IL2RB: variants seen among roughly 807,000 people sequenced by gnomAD.
IL2RB encodes the protein interleukin 2 receptor subunit beta, also known as interleukin-2 receptor subunit beta.
IL2RB carries 17 observed loss-of-function variants against 44.2 expected under a neutral mutation model. The ratio of observed to expected loss-of-function variants is 0.38; its 90% confidence interval spans 0.26 to 0.58. IL2RB has a LOEUF of 0.58. IL2RB is among the 20% of genes least tolerant of loss of function. The pLI, the probability that IL2RB is intolerant of heterozygous loss-of-function variation, is 0.63. For missense variants in IL2RB, 624 were observed against 685.5 expected, an observed-to-expected ratio of 0.91 and a Z score of 1.00; for synonymous variants, 286 against 297.9, an observed-to-expected ratio of 0.96 and a Z score of 0.41.
intron 8 of IL2RB, among the ~76,000 whole-genome samples, chr22:37,134,873 G>A (rs192912172): frequency 4.6e-4 from 70 of 152,340 alleles, no homozygotes; most frequent in African/African-American, 5.1e-4. Flanking sequence ...TCTTTGAGCT[G>A]TACCTGGCAT....
intron 1 of IL2RB, among the ~76,000 whole-genome samples, chr22:37,170,079 A>T (rs1296547774): frequency 2.2e-3 from 141 of 64,642 alleles, no homozygotes; most frequent in African/African-American, 6.4e-3. Flanking sequence ...ATGGGGGAGA[A>T]GGAAGGAAGA....
At chr22:37,145,068 G>T (rs1340878373) in intron 1 of IL2RB, among the ~76,000 whole-genome samples, 1 of 145,244 alleles carries the variant, frequency 6.9e-6, no homozygotes, top group Admixed American at 7.2e-5. Flanking sequence ...GCTAGCCCCT[G>T]CCTCTGCCCC....
chr22:37,128,280 A>G lies in IL2RB; in HGVS notation c.1472T>C (p.Leu491Pro). The G allele has an allele frequency of 6.7e-7, 1 of 1,498,140 alleles. No homozygotes were observed. The highest frequency in any genetic ancestry group is 8.9e-7 in the Non-Finnish European group (1 of 1,124,536). The allele number at this position is 1,498,140 out of a possible 1,614,324, so 92.8% of individuals were successfully genotyped here. The change falls in exon 10 of 10, where the codon CTG becomes CCG. Residue 491 changes from leucine (L) to proline (P), a missense_variant. By Grantham distance (98) the Leu-to-Pro change is moderately conservative (BLOSUM62 -3). Around this residue, in one of 3 missense-constraint regions of IL2RB, gnomAD observed 291 missense variants for 275.5 expected, o/e 1.06. Transcript: ENST00000216223. This position sits in a 1 kb window ranked among gnomAD's most constrained non-coding sequence, Gnocchi z 4.5. Reference sequence around the variant, plus strand: ...CTCCTCCCCAGCCTCTCGCAGCACCAGCTCAGGGGGTGGCTGAAAATCCAC... The same window carrying G: ...CTCCTCCCCAGCCTCTCGCAGCACCGGCTCAGGGGGTGGCTGAAAATCCAC... ...DLVDFQPPPELVLREAGEEVP... is the reference protein window; with the variant it reads ...DLVDFQPPPEPVLREAGEEVP...
At chr22:37,168,374 G>A (rs191736467) in intron 1 of IL2RB, among the ~76,000 whole-genome samples, 2 of 152,304 alleles carry the variant, frequency 1.3e-5, no homozygotes, top group East Asian at 3.9e-4. Context: ...AAAATAGAAC[G>A]TGGCTTGGCT....
chr22:37,167,594 C>T (rs1411061313), intron 1 of IL2RB, among the ~76,000 whole-genome samples: 1 of 152,236 alleles, frequency 6.6e-6, no homozygotes. Flanking sequence ...CCCCTGCCCA[C>T]GTTCTCTCTG....
At chr22:37,165,328 C>T (rs1310561446) in intron 1 of IL2RB, among the ~76,000 whole-genome samples, 1 of 152,220 alleles carries the variant, frequency 6.6e-6, no homozygotes, top group African/African-American at 2.4e-5. Context: ...TGCCTCTGGC[C>T]TTCCAGAACC....
intron 9 of IL2RB, among the ~76,000 whole-genome samples, chr22:37,129,135 C>T (rs1468246500): frequency 6.6e-6 from 1 of 152,240 alleles, no homozygotes; most frequent in African/African-American, 2.4e-5. Context: ...TCAAGAGTGA[C>T]TGTTTATTGG....
chr22:37,144,861 AACACAC>A (rs1337801318), intron 1 of IL2RB, among the ~76,000 whole-genome samples: 1 of 152,178 alleles, frequency 6.6e-6, no homozygotes. Context: ...TCTCTTCACA[AACACAC>A]ACAGAGTCAC....
intron 1 of IL2RB, among the ~76,000 whole-genome samples, chr22:37,159,236 T>A (rs1329805166): frequency 2.0e-5 from 3 of 151,364 alleles, no homozygotes; most frequent in Non-Finnish European, 2.9e-5. Context: ...CTTGCTTGCT[T>A]TTTTTTTTCT....
chr22:37,170,654 C>T (rs989385006), intron 1 of IL2RB, among the ~76,000 whole-genome samples: 2 of 152,176 alleles, frequency 1.3e-5, no homozygotes, highest in Non-Finnish European at 2.9e-5. Flanking sequence ...TTGGGGTTCT[C>T]CACCACGCAG....
chr22:37,154,063 C>T (rs1211809960), upstream of IL2RB, among the ~76,000 whole-genome samples: 1 of 152,174 alleles, frequency 6.6e-6, no homozygotes, highest in African/African-American at 2.4e-5. Flanking sequence ...GCCTGAGGCG[C>T]GCAGCCCAGG....
At chr22:37,145,542 G>T (rs1226611805) in intron 1 of IL2RB, among the ~76,000 whole-genome samples, 2 of 152,050 alleles carry the variant, frequency 1.3e-5, no homozygotes, top group African/African-American at 2.4e-5. Context: ...AAAAGTAGCT[G>T]CCCCCACCCT....
Position 37,141,207 on chromosome 22 carries a change from G to A in IL2RB, c.282+1227C>T, listed in dbSNP as rs1367746985. Among the ~76,000 whole-genome samples, 3 of 152,074 alleles carry A rather than the reference G, an allele frequency of 2.0e-5. No homozygotes were observed. Among genetic ancestry groups the A allele is most frequent in the African/African-American group, 7.2e-5 (3 of 41,466 alleles). Reference sequence around the variant, plus strand: ...ACCCAAGTCGTGGCCACAGAGCCAGGTGTCCCTGCACTCTCAGGGGCCCTG... The same window carrying A: ...ACCCAAGTCGTGGCCACAGAGCCAGATGTCCCTGCACTCTCAGGGGCCCTG... On this transcript the variant is annotated intron_variant, in intron 4 of 9. Transcript: ENST00000216223. The surrounding 1 kb of genome is among the most constrained non-coding windows in gnomAD (Gnocchi z 4.4).
chr22:37,153,008 C>T (rs1922554962), upstream of IL2RB, among the ~76,000 whole-genome samples: 1 of 146,048 alleles, frequency 6.8e-6, no homozygotes, highest in Non-Finnish European at 1.5e-5. Context: ...AATCTCGGCT[C>T]ACTGCAACCT....
At chr22:37,150,340 C>T (rs1922434078), upstream of IL2RB, among the ~76,000 whole-genome samples, 1 of 152,164 alleles carries the variant, frequency 6.6e-6, no homozygotes, top group African/African-American at 2.4e-5. Flanking sequence ...CACCCTCCTC[C>T]CAGCCTGCAA....
intron 7 of IL2RB, 92 bp downstream of exon 7, chr22:37,136,136 C>T (rs967176618): frequency 2.2e-6 from 3 of 1,374,924 alleles, no homozygotes; most frequent in Non-Finnish European, 2.0e-6. Context: ...ACTGCTATAC[C>T]CTCACCCCAG....
chr22:37,150,666 T>C (rs966627449), upstream of IL2RB, among the ~76,000 whole-genome samples: 1 of 152,220 alleles, frequency 6.6e-6, no homozygotes, highest in Non-Finnish European at 1.5e-5. Context: ...TATCAAATAC[T>C]AGATCTTATT....
At chr22:37,172,705 G>A (rs1344745370) in intron 1 of IL2RB, among the ~76,000 whole-genome samples, 5 of 152,214 alleles carry the variant, frequency 3.3e-5, no homozygotes, top group Non-Finnish European at 7.3e-5. Context: ...TGCAACATCT[G>A]CCAATTTCTA....
At chr22:37,164,240 C>A (rs1922985491) in intron 1 of IL2RB, among the ~76,000 whole-genome samples, 1 of 152,164 alleles carries the variant, frequency 6.6e-6, no homozygotes, top group Non-Finnish European at 1.5e-5. Context: ...TACCCGAGAA[C>A]CCCAGCCTCA....
Sources: allele counts gnomAD v4.1 joint callset (sites outside exome capture counted in the v4.1 genomes callset), GRCh38; gene constraint gnomAD v4.1.1; regional missense constraint gnomAD v4.1.1; non-coding constraint Gnocchi (gnomAD v3.1); transcripts MANE v1.5; gene names NCBI Gene and HGNC (gene_info 2026-07-23, HGNC 2026-07-21).